The following RNF216 variants were observed in gnomAD, a reference collection of about 807,000 sequenced individuals.
RNF216 encodes the protein E3 ubiquitin-protein ligase RNF216.
Under a neutral mutation model 110.8 loss-of-function variants are expected in RNF216, and 72 were observed. The ratio of observed to expected loss-of-function variants is 0.65; its 90% CI spans 0.54 to 0.79. The LOEUF is 0.79. Among genes scored for constraint, RNF216 ranks in the 30% least tolerant of loss-of-function variants. RNF216 has a pLI of 0.00. For missense variants in RNF216, 1,342 were observed against 1,141.2 expected, an observed-to-expected ratio of 1.18 and a Z score of -2.54; for synonymous variants, 495 against 407.5, an observed-to-expected ratio of 1.21 and a Z score of -2.59.
chr7:5,771,214 G>T (rs972888125), intron 1 of RNF216, among the ~76,000 whole-genome samples: 12 of 152,144 alleles, frequency 7.9e-5, no homozygotes, highest in African/African-American at 2.9e-4. Context: ...TATATGGGGT[G>T]GGAGTAGGGG....
At chr7:5,700,972 A>G (rs1310183480) in intron 13 of RNF216, among the ~76,000 whole-genome samples, 6 of 151,988 alleles carry the variant, frequency 3.9e-5, no homozygotes, top group South Asian at 2.1e-4. Flanking sequence ...CCCCTCCTGT[A>G]CTCATTTCTT....
At chr7:5,635,463 C>G (rs1454551054) in intron 15 of RNF216, among the ~76,000 whole-genome samples, 1 of 152,108 alleles carries the variant, frequency 6.6e-6, no homozygotes, top group Admixed American at 6.6e-5. Flanking sequence ...AATCAGTTTC[C>G]AACCTAAAAG....
chr7:5,712,116 T>C (rs915280888), intron 12 of RNF216, among the ~76,000 whole-genome samples: 1 of 152,202 alleles, frequency 6.6e-6, no homozygotes, highest in African/African-American at 2.4e-5. Flanking sequence ...CCGATTTCCC[T>C]CCAGCCCAGG....
At chr7:5,674,456 C>T (rs1727807530) in intron 13 of RNF216, among the ~76,000 whole-genome samples, 1 of 150,886 alleles carries the variant, frequency 6.6e-6, no homozygotes, top group South Asian at 2.1e-4. Context: ...TGCACCCAGC[C>T]CTACATCTCT....
chr7:5,679,690 G>C (rs1307734098), intron 13 of RNF216, among the ~76,000 whole-genome samples: 7 of 152,228 alleles, frequency 4.6e-5, no homozygotes, highest in African/African-American at 7.2e-5. Flanking sequence ...ATCTCCCATG[G>C]AATGTGCTAC....
At chr7:5,778,564 T>C (rs940340282) in intron 1 of RNF216, among the ~76,000 whole-genome samples, 1 of 152,174 alleles carries the variant, frequency 6.6e-6, no homozygotes, top group African/African-American at 2.4e-5. Flanking sequence ...GGACATAGCA[T>C]ATCGGATGGC....
At chr7:5,628,091 A>G (rs1786829268) in intron 15 of RNF216, among the ~76,000 whole-genome samples, 2 of 152,168 alleles carry the variant, frequency 1.3e-5, no homozygotes, top group Admixed American at 1.3e-4. Context: ...GGAGAGGAAG[A>G]GGGAGCCTCA....
chr7:5,666,630 G>C (rs148591227), intron 13 of RNF216: 2 of 152,266 alleles, frequency 1.3e-5, no homozygotes, highest in African/African-American at 4.8e-5. Flanking sequence ...CCCTTTCACG[G>C]GGAGCTCTCA....
chr7:5,630,622 G>A (rs996045162), intron 15 of RNF216, among the ~76,000 whole-genome samples: 3 of 152,066 alleles, frequency 2.0e-5, no homozygotes, highest in Non-Finnish European at 2.9e-5. Context: ...CAAACTCCTG[G>A]CCTCAAGCCA....
intron 13 of RNF216, among the ~76,000 whole-genome samples, chr7:5,688,588 G>A (rs766446986): frequency 6.6e-6 from 1 of 152,160 alleles, no homozygotes; most frequent in Non-Finnish European, 1.5e-5. Context: ...AGTTAAAGGC[G>A]CATGTATTTA....
chr7:5,722,820 G>C (rs999674779), intron 8 of RNF216, among the ~76,000 whole-genome samples: 2 of 151,450 alleles, frequency 1.3e-5, no homozygotes, highest in African/African-American at 4.9e-5. Context: ...TTAGGAGTTC[G>C]AGACCAACCT....
At chr7:5,755,070 C>A (rs1461645767) in intron 2 of RNF216, among the ~76,000 whole-genome samples, 5 of 120,026 alleles carry the variant, frequency 4.2e-5, no homozygotes, top group Non-Finnish European at 6.8e-5. Flanking sequence ...AGGGAGGGAA[C>A]TGAAGGAAAG....
rs531376190 is a variant in RNF216, at chr7:5,642,639, C to T, written c.2160-1263G>A. Among the ~76,000 whole-genome samples the T allele has an allele frequency of 1.5e-4, 22 of 151,532 alleles. No homozygotes were observed. In the East Asian group the frequency reaches 3.1e-3, roughly 21 times the overall value. ...CATCACCACACCTGGCTTTCATGCC[C>T]GGCCATTTTTTGTATTTTTAGTAGA... On this transcript the variant is annotated intron_variant, in intron 14 of 16. Transcript: ENST00000389902.
chr7:5,633,336 G>A (rs1787194568), intron 15 of RNF216, among the ~76,000 whole-genome samples: 2 of 152,000 alleles, frequency 1.3e-5, no homozygotes, highest in Non-Finnish European at 2.9e-5. Context: ...AGCAATTTGG[G>A]AGGCCTAGGC....
At chr7:5,753,076 T>A in intron 2 of RNF216, 97 bp from the exon 3 acceptor site, 4 of 1,248,244 alleles carry the variant, frequency 3.2e-6, no homozygotes, top group Non-Finnish European at 4.4e-6. Flanking sequence ...AAAGCCAACT[T>A]CATGGCTACT....
intron 2 of RNF216, among the ~76,000 whole-genome samples, chr7:5,754,887 G>C (rs1438590820): frequency 3.3e-5 from 5 of 152,034 alleles, no homozygotes; most frequent in Admixed American, 1.3e-4. Context: ...AATTAGCCGG[G>C]TGTGGTGGCA....
At chr7:5,628,199 T>G (rs1320418878) in intron 15 of RNF216, among the ~76,000 whole-genome samples, 1 of 152,148 alleles carries the variant, frequency 6.6e-6, no homozygotes. Context: ...ATCACTCTCC[T>G]GATTGGCAAG....
chr7:5,722,893 G>A (rs1233938915), intron 8 of RNF216, among the ~76,000 whole-genome samples: 2 of 151,862 alleles, frequency 1.3e-5, no homozygotes, highest in Non-Finnish European at 2.9e-5. Flanking sequence ...CCAGCTACTT[G>A]CGAGGCTGAG....
At chr7:5,736,254 A>C (rs1584538436) in intron 5 of RNF216, among the ~76,000 whole-genome samples, 1 of 151,730 alleles carries the variant, frequency 6.6e-6, no homozygotes, top group Non-Finnish European at 1.5e-5. Flanking sequence ...AGTGCCTGTG[A>C]TTGCAGGTGC....
Sources: gnomAD v4.1 joint callset for allele counts (sites outside exome capture counted in the v4.1 genomes callset) on GRCh38, gnomAD v4.1.1 for gene constraint, MANE v1.5 for transcripts, NCBI Gene and HGNC (gene_info 2026-07-23, HGNC 2026-07-21) for gene names.